PACSIN1: variants seen among roughly 807,000 people sequenced by gnomAD.
PACSIN1 encodes protein kinase C and casein kinase substrate in neurons protein 1.
In PACSIN1, 15 loss-of-function variants were observed where a neutral mutation model predicts 59.5. That is an observed-to-expected ratio of 0.25 (90% CI 0.17 to 0.39). PACSIN1 has a LOEUF of 0.39. Ranked by LOEUF, PACSIN1 falls within the 10% of genes least tolerant of loss-of-function variation. PACSIN1 has a pLI of 1.00. For synonymous variants in PACSIN1, 210 were observed against 220.6 expected (o/e 0.95, Z 0.42); for missense variants, 420 against 580.2 (o/e 0.72, Z 2.84).
rs1766932049 is a variant in PACSIN1 at position 34,495,314 on chromosome 6, C to T, written c.-64+29044C>T. On this transcript the variant is annotated intron_variant, in intron 1 of 9. Transcript: ENST00000244458. Reference sequence around the variant, plus strand: ...AAATATTCAGGAATTCTTTCCTTTACCACCTAACATTTCCCATATATGGGC... The same window carrying T: ...AAATATTCAGGAATTCTTTCCTTTATCACCTAACATTTCCCATATATGGGC... 2.0e-5 allele frequency among the ~76,000 whole-genome samples: 3 copies of T among 152,268 alleles called. 1 individual carries two copies. The South Asian group carries it at 6.2e-4, about 32-fold the overall frequency.
chr6:34,528,021 A>G (rs955460174), intron 3 of PACSIN1, among the ~76,000 whole-genome samples: 1 of 152,254 alleles, frequency 6.6e-6, no homozygotes, highest in Admixed American at 6.5e-5. Context: ...GCAGTCGCAC[A>G]TTGCCTCTAT....
intron 1 of PACSIN1, among the ~76,000 whole-genome samples, chr6:34,478,061 C>CTTT (rs58616178): frequency 4.8e-4 from 55 of 114,576 alleles, no homozygotes; most frequent in African/African-American, 1.2e-3. Flanking sequence ...CCCCTTTATC[C>CTTT]TTTTTTTTTT....
rs1027906487 is a variant in PACSIN1, at chr6:34,530,842, C to T, written c.1037+255C>T. 6.6e-6 allele frequency among the ~76,000 whole-genome samples: 1 copy of T among 152,224 alleles called. No homozygotes were observed. The highest frequency in any genetic ancestry group is 1.5e-5 in the Non-Finnish European group (1 of 68,046). On this transcript the variant is annotated intron_variant, in intron 8 of 9. Transcript: ENST00000244458. The surrounding 1 kb of genome is among the most constrained non-coding windows in gnomAD (Gnocchi z 4.4). Reference sequence around the variant, plus strand: ...ATGAAACTGTTCCACCTCAGATCATCAGGCGTTAGATTCTCCTAAGGAACG... The same window carrying T: ...ATGAAACTGTTCCACCTCAGATCATTAGGCGTTAGATTCTCCTAAGGAACG...
rs868399968 is a variant in PACSIN1, at chr6:34,532,449, G to T, written c.1254G>T (p.Glu418Asp). 1 of 1,575,422 alleles carries T rather than the reference G, an allele frequency of 6.3e-7. No individual in the cohort carries two copies. Among genetic ancestry groups the T allele is most frequent in the East Asian group, 2.3e-5 (1 of 42,806 alleles). Reference protein sequence around the residue: ...AGDELTKLGEEDEQGWCRGRL... With the variant: ...AGDELTKLGEDDEQGWCRGRL... Reference sequence around the variant, plus strand: ...ACGAACTCACCAAGCTGGGCGAGGAGGATGAGCAGGGCTGGTGCCGTGGGC... The same window carrying T: ...ACGAACTCACCAAGCTGGGCGAGGATGATGAGCAGGGCTGGTGCCGTGGGC... Residue 418 changes from glutamate to aspartate, a missense_variant, in exon 10 of 10, where the codon GAG (glutamate) becomes GAT (aspartate). Transcript: ENST00000244458. This position sits in a 1 kb window ranked among gnomAD's most constrained non-coding sequence, Gnocchi z 5.2.
intron 1 of PACSIN1, among the ~76,000 whole-genome samples, chr6:34,490,937 C>T (rs1378043058): frequency 6.6e-6 from 1 of 152,164 alleles, no homozygotes; most frequent in Admixed American, 6.5e-5. Flanking sequence ...TATTTTATCC[C>T]ACTTGATGTC....
chr6:34,467,356 C>T (rs984903406), intron 1 of PACSIN1, among the ~76,000 whole-genome samples: 1 of 152,180 alleles, frequency 6.6e-6, no homozygotes, highest in African/African-American at 2.4e-5. Context: ...TGTCATTGCC[C>T]CTGCACCAAA....
At chr6:34,469,331 C>T (rs1452988994) in intron 1 of PACSIN1, among the ~76,000 whole-genome samples, 1 of 152,150 alleles carries the variant, frequency 6.6e-6, no homozygotes, top group East Asian at 1.9e-4. Context: ...GCCCATTAGC[C>T]ACATCAGACC....
At chr6:34,501,554 G>C (rs1767022485) in intron 1 of PACSIN1, among the ~76,000 whole-genome samples, 1 of 152,216 alleles carries the variant, frequency 6.6e-6, no homozygotes, top group African/African-American at 2.4e-5. Context: ...TCTGCCCCAA[G>C]CTGTCAGCTC....
intron 3 of PACSIN1, 109 bp downstream of exon 3, chr6:34,527,597 GAC>G: frequency 1.0e-6 from 1 of 984,972 alleles, no homozygotes. Flanking sequence ...CCATCTACCA[GAC>G]ACAGGACATT....
At position 34,518,217 on chromosome 6, in the gene PACSIN1, T is replaced by A. The variant is rs1360304594; in HGVS notation, c.-63-8026T>A. 6.6e-6 allele frequency among the ~76,000 whole-genome samples: 1 copy of A among 152,210 alleles called. No individual in the cohort carries two copies. The highest frequency in any genetic ancestry group is 1.5e-5 in the Non-Finnish European group (1 of 68,028). On this transcript the variant is annotated intron_variant, in intron 1 of 9. Transcript: ENST00000244458. This position sits in a 1 kb window ranked among gnomAD's most constrained non-coding sequence, Gnocchi z 4.4. ...GAGGGCCACGGCCCCTTCTTCCTGG[T>A]CAGAACTCATCCTTGAGTTCCCTGT...
chr6:34,498,856 G>C (rs1369009979), intron 1 of PACSIN1, among the ~76,000 whole-genome samples: 1 of 141,452 alleles, frequency 7.1e-6, no homozygotes, highest in African/African-American at 2.7e-5. Context: ...ACATTCAAAA[G>C]AATGAAATTG....
At chr6:34,527,116 G>A (rs899694375) in intron 2 of PACSIN1, among the ~76,000 whole-genome samples, 2 of 151,846 alleles carry the variant, frequency 1.3e-5, no homozygotes, top group Non-Finnish European at 2.9e-5. Flanking sequence ...TGTAGACGGC[G>A]GGGCCTGAGG....
intron 1 of PACSIN1, 23 bp from the exon 2 acceptor site, chr6:34,526,220 G>C: frequency 8.7e-7 from 1 of 1,149,436 alleles, no homozygotes; most frequent in Non-Finnish European, 1.3e-6. Flanking sequence ...TCATCTCCAG[G>C]GATCTCTCTC....
chr6:34,531,660 G>C lies in PACSIN1; in HGVS notation c.1098G>C (p.Gly366=). The C allele has an allele frequency of 6.2e-7, 1 of 1,614,022 alleles. No homozygotes were observed. Among genetic ancestry groups the C allele is most frequent in the South Asian group, 1.1e-5 (1 of 91,048 alleles). The part of the protein sequence containing the change: ...YATEWSDDES[G]NPFGGSETNG... ...CCGAGTGGTCAGACGACGAGAGTGG[G>C]AACCCCTTTGGGGGCAGTGAGACCA... Residue 366 remains glycine (G), a synonymous_variant, in exon 9 of 10, where the codon GGG becomes GGC. Transcript: ENST00000244458. This position sits in a 1 kb window ranked among gnomAD's most constrained non-coding sequence, Gnocchi z 4.4.
In PACSIN1 at chr6:34,516,920, C is replaced by T. The variant is rs1485539425; in HGVS notation, c.-63-9323C>T. Among the ~76,000 whole-genome samples the T allele has an allele frequency of 1.3e-5, 2 of 152,182 alleles. No individual in the cohort carries two copies. The highest frequency in any genetic ancestry group is 4.8e-5 in the African/African-American group (2 of 41,442). ...GAGCACTGAGAGGCCTGGAGCTCAG[C>T]AGGGGCTGGGGCCTGGGACACAGGA... On this transcript the variant is annotated intron_variant, in intron 1 of 9. Coordinates refer to ENST00000244458, the MANE Select transcript of PACSIN1 (RefSeq NM_020804.5). The surrounding 1 kb of genome is among the most constrained non-coding windows in gnomAD (Gnocchi z 5.4).
At chr6:34,480,015 G>A (rs1308476952) in intron 1 of PACSIN1, among the ~76,000 whole-genome samples, 3 of 151,368 alleles carry the variant, frequency 2.0e-5, no homozygotes, top group Admixed American at 1.3e-4. Context: ...TAATGGAGAC[G>A]GGGTTTCACC....
chr6:34,468,468 A>G (rs144909099), intron 1 of PACSIN1, among the ~76,000 whole-genome samples: 209 of 152,298 alleles, frequency 1.4e-3, no homozygotes, highest in African/African-American at 4.7e-3. Context: ...GCTATTTGAC[A>G]GCCATGCAGT....
chr6:34,477,206 C>G (rs1766649627), intron 1 of PACSIN1, among the ~76,000 whole-genome samples: 1 of 152,030 alleles, frequency 6.6e-6, no homozygotes, highest in Non-Finnish European at 1.5e-5. Flanking sequence ...ATAAGCATGT[C>G]CAGGCCGGGC....
chr6:34,532,351 C>G lies in PACSIN1; in HGVS notation c.1226-70C>G. The G allele has an allele frequency of 5.7e-6, 6 of 1,052,854 alleles. No individual in the cohort carries two copies. The highest frequency in any genetic ancestry group is 5.5e-5 in the South Asian group (4 of 72,680). 65.2% of individuals were successfully genotyped at this position (1,052,854 alleles called of 1,614,324 possible). On this transcript the variant is annotated intron_variant, in intron 9 of 9. Transcript: ENST00000244458. This position sits in a 1 kb window ranked among gnomAD's most constrained non-coding sequence, Gnocchi z 5.2. ...TCAGGAGGTGGGTATTGGAGGGTTC[C>G]CCTAGCAGCCGGTGCGTTGAGGGAG...
Sources: gnomAD v4.1 joint callset for allele counts (sites outside exome capture counted in the v4.1 genomes callset) on GRCh38, gnomAD v4.1.1 for gene constraint, Gnocchi (gnomAD v3.1) non-coding constraint, MANE v1.5 for transcripts, NCBI Gene and HGNC (gene_info 2026-07-23, HGNC 2026-07-21) for gene names.